Variants in TSHZ2 observed in about 807,000 individuals in gnomAD.
The protein encoded by TSHZ2 is teashirt zinc finger homeobox 2, also known as teashirt homolog 2.
In TSHZ2, 21 loss-of-function variants were observed where a neutral mutation model predicts 74.4. That is an observed-to-expected ratio of 0.28 (90% CI 0.20 to 0.41). The LOEUF (loss-of-function observed/expected upper bound fraction) is 0.41, where lower values mean the gene tolerates loss of function less well. Ranked by LOEUF, TSHZ2 falls within the 10% of genes least tolerant of loss-of-function variation. TSHZ2 has a pLI of 1.00. For synonymous variants in TSHZ2, 540 were observed against 515.3 expected (o/e 1.05, Z -0.65); for missense variants, 1,244 against 1,293.5 (o/e 0.96, Z 0.59).
intron 2 of TSHZ2, among the ~76,000 whole-genome samples, chr20:53,258,307 G>A (rs1990525709): frequency 6.6e-6 from 1 of 152,020 alleles, no homozygotes; most frequent in Non-Finnish European, 1.5e-5. Context: ...CTATTTATTT[G>A]CTGCATAACA....
At chr20:53,095,995 C>A (rs140982199) in intron 1 of TSHZ2, among the ~76,000 whole-genome samples, 1 of 152,162 alleles carries the variant, frequency 6.6e-6, no homozygotes, top group African/African-American at 2.4e-5. Flanking sequence ...CTCCAATGAA[C>A]CTGGGGAAGG....
intron 2 of TSHZ2, among the ~76,000 whole-genome samples, chr20:53,470,417 T>G (rs1985760857): frequency 6.6e-6 from 1 of 152,238 alleles, no homozygotes; most frequent in African/African-American, 2.4e-5. Context: ...TTCCAAATTG[T>G]AATTCCATTT....
Position 53,206,257 on chromosome 20 carries a change from C to T in TSHZ2, c.41-47242C>T, listed in dbSNP as rs544177583. On this transcript the variant is annotated intron_variant, in intron 1 of 2. Transcript: ENST00000371497. ...AAAAATAATAATAAATAAAGACACA[C>T]ATAGCAGTCACCACATATGATTGCT... Among the ~76,000 whole-genome samples the T allele has an allele frequency of 5.3e-5, 8 of 152,308 alleles. 2 individuals carry two copies. The highest frequency in any genetic ancestry group is 1.9e-4 in the African/African-American group (8 of 41,562).
At chr20:53,338,544 G>C (rs1374511101) in intron 2 of TSHZ2, among the ~76,000 whole-genome samples, 1 of 152,152 alleles carries the variant, frequency 6.6e-6, no homozygotes, top group Admixed American at 6.5e-5. Flanking sequence ...GCCTTCTAGG[G>C]GACAGTTGAC....
At chr20:53,187,466 T>G (rs1309450653) in intron 1 of TSHZ2, among the ~76,000 whole-genome samples, 1 of 152,214 alleles carries the variant, frequency 6.6e-6, no homozygotes, top group African/African-American at 2.4e-5. Flanking sequence ...TCTGCAGCAG[T>G]GAGCAGTTGG....
chr20:53,289,184 A>ATG (rs1991232870), intron 2 of TSHZ2, among the ~76,000 whole-genome samples: 6 of 136,976 alleles, frequency 4.4e-5, no homozygotes. Flanking sequence ...AGTGGTGTAT[A>ATG]TATACCACAT....
In TSHZ2 at chr20:53,165,672, C is replaced by T. The variant is rs73270647; in HGVS notation, c.41-87827C>T. ...TTAAAACCTGTCTTGCCCAATTGGG[C>T]GACTAATGAGATCAGCAAGAGTGGA... On this transcript the variant is annotated intron_variant, in intron 1 of 2. Transcript: ENST00000371497. Among the ~76,000 whole-genome samples the T allele has an allele frequency of 3.0e-3, 463 of 152,298 alleles. 2 individuals are homozygous for T. Among genetic ancestry groups the T allele is most frequent in the African/African-American group, 7.7e-3 (321 of 41,550 alleles).
intron 1 of TSHZ2, among the ~76,000 whole-genome samples, chr20:53,190,655 A>T (rs977562487): frequency 6.6e-6 from 1 of 152,226 alleles, no homozygotes; most frequent in Non-Finnish European, 1.5e-5. Flanking sequence ...GTAGATTTTC[A>T]TAAGTGACAT....
chr20:53,145,372 C>T (rs1359720501), intron 1 of TSHZ2, among the ~76,000 whole-genome samples: 1 of 152,214 alleles, frequency 6.6e-6, no homozygotes, highest in African/African-American at 2.4e-5. Flanking sequence ...GTTTTTCTTT[C>T]CTTATCTGTA....
intron 1 of TSHZ2, among the ~76,000 whole-genome samples, chr20:53,100,400 C>T (rs1188600711): frequency 1.3e-5 from 2 of 152,126 alleles, no homozygotes; most frequent in Non-Finnish European, 2.9e-5. Context: ...CATTAATATT[C>T]AGAGCTCAAG....
intron 1 of TSHZ2, among the ~76,000 whole-genome samples, chr20:53,160,315 G>T (rs1230478046): frequency 6.6e-6 from 1 of 152,158 alleles, no homozygotes; most frequent in Admixed American, 6.5e-5. Context: ...ACCTTCATGG[G>T]TTCAGGAGTC....
intron 1 of TSHZ2, among the ~76,000 whole-genome samples, chr20:53,199,319 A>G (rs1480233522): frequency 6.6e-6 from 1 of 152,094 alleles, no homozygotes; most frequent in Admixed American, 6.6e-5. Flanking sequence ...CTGAAAACAC[A>G]GAAAATCAGC....
At chr20:53,183,520 T>A (rs1388347546) in intron 1 of TSHZ2, among the ~76,000 whole-genome samples, 1 of 152,150 alleles carries the variant, frequency 6.6e-6, no homozygotes, top group Non-Finnish European at 1.5e-5. Flanking sequence ...CTTTTAATTG[T>A]AGGGGGATGA....
chr20:53,105,779 TG>T (rs1986345839), intron 1 of TSHZ2, among the ~76,000 whole-genome samples: 1 of 152,130 alleles, frequency 6.6e-6, no homozygotes. Flanking sequence ...CCTGAGTAGC[TG>T]GGACTGCAGG....
In TSHZ2 at chr20:53,012,828, C is replaced by G. The variant is rs904374793; in HGVS notation, c.40+39495C>G. ...CGGCTTCTCTCTCTGTCCCTCGCAC[C>G]TGCCACTTCAGCTAAGATCTCTCCT... On this transcript the variant is annotated intron_variant, in intron 1 of 2. Coordinates refer to ENST00000371497, the MANE Select transcript of TSHZ2 (RefSeq NM_173485.6). Among the ~76,000 whole-genome samples the G allele has an allele frequency of 3.3e-5, 5 of 152,178 alleles. No homozygotes were observed. The East Asian group carries it at 9.6e-4, about 29-fold the overall frequency.
At chr20:53,071,718 G>T (rs1051090198) in intron 1 of TSHZ2, among the ~76,000 whole-genome samples, 3 of 152,130 alleles carry the variant, frequency 2.0e-5, no homozygotes, top group African/African-American at 7.2e-5. Flanking sequence ...CAGGTGACAT[G>T]GGTTTTATTG....
At chr20:53,154,174 G>A (rs1414273853) in intron 1 of TSHZ2, among the ~76,000 whole-genome samples, 1 of 152,178 alleles carries the variant, frequency 6.6e-6, no homozygotes, top group Non-Finnish European at 1.5e-5. Context: ...TACTGGCTAG[G>A]GGACTAGAAC....
At chr20:53,355,263 C>T (rs1262380739) in intron 2 of TSHZ2, among the ~76,000 whole-genome samples, 1 of 152,142 alleles carries the variant, frequency 6.6e-6, no homozygotes, top group Non-Finnish European at 1.5e-5. Context: ...GACAAGAGCC[C>T]TCCTTTGGGC....
chr20:53,472,211 G>C (rs941919916), intron 2 of TSHZ2, among the ~76,000 whole-genome samples: 1 of 152,160 alleles, frequency 6.6e-6, no homozygotes, highest in Non-Finnish European at 1.5e-5. Flanking sequence ...GACACCAAGT[G>C]GACTAAAACA....
Sources: gnomAD v4.1 joint callset for allele counts (sites outside exome capture counted in the v4.1 genomes callset) on GRCh38, gnomAD v4.1.1 for gene constraint, MANE v1.5 for transcripts, NCBI Gene and HGNC (gene_info 2026-07-23, HGNC 2026-07-21) for gene names.